KHDRBS2: variants seen among roughly 807,000 people sequenced by gnomAD.
KHDRBS2 encodes KH RNA binding domain containing, signal transduction associated 2.
Under a neutral mutation model 44.3 loss-of-function variants are expected in KHDRBS2, and 26 were observed. That is an observed-to-expected ratio of 0.59 (90% CI 0.43 to 0.81). The LOEUF (loss-of-function observed/expected upper bound fraction) is 0.81. Among genes scored for constraint, KHDRBS2 ranks in the 40% least tolerant of loss-of-function variants. The pLI, the probability that KHDRBS2 is intolerant of heterozygous loss-of-function variation, is 0.00. For synonymous variants in KHDRBS2, 194 were observed against 151.1 expected, an observed-to-expected ratio of 1.28 and a Z score of -2.08; for missense variants, 476 against 433.1, an observed-to-expected ratio of 1.10 and a Z score of -0.88.
intron 2 of KHDRBS2, among the ~76,000 whole-genome samples, chr6:62,090,427 TA>T (rs1319074878): frequency 2.0e-5 from 3 of 152,162 alleles, no homozygotes; most frequent in Non-Finnish European, 4.4e-5. Flanking sequence ...GTAAGTGCAT[TA>T]CATTGTCAGA....
intron 3 of KHDRBS2, among the ~76,000 whole-genome samples, chr6:62,003,573 T>G (rs1473975636): frequency 3.3e-5 from 5 of 152,082 alleles, no homozygotes; most frequent in Admixed American, 3.3e-4. Flanking sequence ...GATGACAGAC[T>G]TTAAAACTCC....
At position 61,803,450 on chromosome 6, in the gene KHDRBS2, A is replaced by G. The variant is rs74488491; in HGVS notation, c.811-70686T>C. On this transcript the variant is annotated intron_variant, in intron 6 of 8. Transcript: ENST00000281156. ...AACTCTTATATATTTGTATACTTTC[A>G]AGCTTCATAATAATACCAGCCAACA... Among the ~76,000 whole-genome samples the G allele has an allele frequency of 2.4e-3, 370 of 152,302 alleles. 6 individuals are homozygous for G. In the East Asian group the frequency reaches 0.051, roughly 21 times the overall value.
the KHDRBS2 span, among the ~76,000 whole-genome samples, chr6:61,673,080 C>G: frequency 6.6e-6 from 1 of 151,616 alleles, no homozygotes; most frequent in Non-Finnish European, 1.5e-5. Flanking sequence ...GCCAGTTTTC[C>G]CAGCACCATT....
At chr6:61,589,308 G>C in the KHDRBS2 span, among the ~76,000 whole-genome samples, 1 of 152,134 alleles carries the variant, frequency 6.6e-6, no homozygotes, top group South Asian at 2.1e-4. Context: ...GCAGTTAGAT[G>C]GTTCAGATAA....
chr6:61,611,612 A>T, the KHDRBS2 span, among the ~76,000 whole-genome samples: 1 of 152,194 alleles, frequency 6.6e-6, no homozygotes, highest in East Asian at 1.9e-4. Flanking sequence ...GAATTCATCT[A>T]GTTAGTGAGT....
At chr6:62,159,166 T>C (rs2150110673) in intron 2 of KHDRBS2, among the ~76,000 whole-genome samples, 1 of 152,284 alleles carries the variant, frequency 6.6e-6, no homozygotes, top group South Asian at 2.1e-4. Context: ...TAAAAATGGA[T>C]AGTTAAATAA....
chr6:61,987,841 A>C (rs6455128), intron 3 of KHDRBS2, among the ~76,000 whole-genome samples: 120,780 of 152,076 alleles, frequency 0.79, 48,297 homozygotes, highest in East Asian at 0.84. Flanking sequence ...AATGCCTGCT[A>C]TCTTTGAATT....
chr6:61,596,817 A>G, the KHDRBS2 span, among the ~76,000 whole-genome samples: 2 of 151,858 alleles, frequency 1.3e-5, no homozygotes, highest in African/African-American at 4.8e-5. Flanking sequence ...ACGCCTGGCT[A>G]ATTTTTGTAT....
intron 2 of KHDRBS2, among the ~76,000 whole-genome samples, chr6:62,077,216 T>G (rs1584547654): frequency 6.6e-6 from 1 of 152,156 alleles, no homozygotes; most frequent in African/African-American, 2.4e-5. Flanking sequence ...GTTCATTCTT[T>G]TATTCTTACT....
intron 6 of KHDRBS2, among the ~76,000 whole-genome samples, chr6:61,753,484 C>T (rs1778048367): frequency 6.6e-6 from 1 of 152,122 alleles, no homozygotes; most frequent in Admixed American, 6.5e-5. Context: ...TGATCATAAA[C>T]ATCTTTCTTT....
intron 4 of KHDRBS2, among the ~76,000 whole-genome samples, chr6:61,932,414 C>A (rs2127368076): frequency 6.6e-6 from 1 of 152,296 alleles, no homozygotes; most frequent in East Asian, 1.9e-4. Context: ...TTTTGACCAA[C>A]ATCTCTCTCT....
At chr6:62,169,210 T>TATATAC (rs1454018151) in intron 2 of KHDRBS2, among the ~76,000 whole-genome samples, 1 of 145,666 alleles carries the variant, frequency 6.9e-6, no homozygotes, top group Non-Finnish European at 1.5e-5. Flanking sequence ...TGTATATATA[T>TATATAC]GTATATATAC....
At chr6:62,137,562 G>C (rs1328809973) in intron 2 of KHDRBS2, among the ~76,000 whole-genome samples, 1 of 152,172 alleles carries the variant, frequency 6.6e-6, no homozygotes, top group Non-Finnish European at 1.5e-5. Flanking sequence ...GTTGGTCTTA[G>C]TATTAGTGAA....
Position 61,680,901 on chromosome 6 carries a change from T to C in KHDRBS2, c.*62A>G. ...AGGACTATTACTTGTCTTGTTGCTG[T>C]TTATGTGGAGACCACAGGCTATGAA... On this transcript the variant is annotated 3_prime_UTR_variant, in exon 9 of 9. Coordinates refer to ENST00000281156, the MANE Select transcript of KHDRBS2 (RefSeq NM_152688.4). 9.6e-7 allele frequency: 1 copy of C among 1,040,658 alleles called. No individual in the cohort carries two copies. 64.5% of individuals were successfully genotyped at this position (1,040,658 alleles called of 1,614,324 possible).
At chr6:62,038,784 C>T (rs1785849806) in intron 3 of KHDRBS2, among the ~76,000 whole-genome samples, 2 of 152,086 alleles carry the variant, frequency 1.3e-5, no homozygotes. Context: ...TTAAAATAAA[C>T]ACTTAACAGG....
rs1037473536 is a variant in KHDRBS2, at chr6:61,776,219, A to C, written c.811-43455T>G. Among the ~76,000 whole-genome samples the C allele has an allele frequency of 9.9e-5, 15 of 152,280 alleles. 1 individual carries two copies. Among genetic ancestry groups the C allele is most frequent in the African/African-American group, 3.4e-4 (14 of 41,562 alleles). ...GAAAACGTAGGCATTACCATTCAGG[A>C]CATAGGCATGGGCAAGGACTTCATG... On this transcript the variant is annotated intron_variant, in intron 6 of 8. Transcript: ENST00000281156.
chr6:62,097,134 C>G (rs1800789414), intron 2 of KHDRBS2, among the ~76,000 whole-genome samples: 1 of 151,098 alleles, frequency 6.6e-6, no homozygotes, highest in Non-Finnish European at 1.5e-5. Flanking sequence ...TTGAGACTTA[C>G]TTTATGGTTT....
chr6:61,566,090 G>A, the KHDRBS2 span, among the ~76,000 whole-genome samples: 2 of 151,954 alleles, frequency 1.3e-5, no homozygotes, highest in Non-Finnish European at 1.5e-5. Context: ...CATTCACAAT[G>A]CCATGGATGG....
chr6:62,118,615 C>T (rs1342102175), intron 2 of KHDRBS2, among the ~76,000 whole-genome samples: 5 of 152,086 alleles, frequency 3.3e-5, no homozygotes, highest in African/African-American at 1.2e-4. Flanking sequence ...AGTCAGTGGA[C>T]TAGGAGAGGA....
Sources: gnomAD v4.1 joint callset for allele counts (sites outside exome capture counted in the v4.1 genomes callset) on GRCh38, gnomAD v4.1.1 for gene constraint, MANE v1.5 for transcripts, NCBI Gene and HGNC (gene_info 2026-07-23, HGNC 2026-07-21) for gene names.